The following GUCY1A2 variants were observed in gnomAD, a reference collection of about 807,000 sequenced individuals.
GUCY1A2 encodes guanylate cyclase soluble subunit alpha-2.
A neutral mutation model predicts 63.5 loss-of-function variants in GUCY1A2; 27 were observed. The observed-to-expected ratio is 0.43, with a 90% CI of 0.31 to 0.59. The LOEUF (loss-of-function observed/expected upper bound fraction) is 0.59, where lower values mean the gene tolerates loss of function less well. GUCY1A2 is among the 20% of genes least tolerant of loss of function. GUCY1A2 has a pLI of 0.11. For synonymous variants in GUCY1A2, 364 were observed against 343.5 expected (o/e 1.06, Z -0.66); for missense variants, 768 against 913.3 (o/e 0.84, Z 2.05).
At chr11:106,704,142 AGAT>A (rs1336567664) in intron 7 of GUCY1A2, among the ~76,000 whole-genome samples, 1 of 152,126 alleles carries the variant, frequency 6.6e-6, no homozygotes, top group Non-Finnish European at 1.5e-5. Context: ...TCAAATTTCC[AGAT>A]GAGGTCTGTA....
chr11:106,692,951 C>G (rs1329584372), intron 7 of GUCY1A2, among the ~76,000 whole-genome samples: 1 of 152,194 alleles, frequency 6.6e-6, no homozygotes, highest in Non-Finnish European at 1.5e-5. Context: ...ATATAGCTCT[C>G]TGACATCTGC....
At chr11:106,874,067 T>C (rs1859716669) in intron 4 of GUCY1A2, among the ~76,000 whole-genome samples, 1 of 152,332 alleles carries the variant, frequency 6.6e-6, no homozygotes, top group South Asian at 2.1e-4. Context: ...GCCTGTTCAC[T>C]CCATTCTTCT....
chr11:106,835,557 A>C (rs932823039), intron 4 of GUCY1A2, among the ~76,000 whole-genome samples: 1 of 151,800 alleles, frequency 6.6e-6, no homozygotes, highest in Non-Finnish European at 1.5e-5. Context: ...GTAATGAAAA[A>C]TATGAACTCA....
intron 4 of GUCY1A2, among the ~76,000 whole-genome samples, chr11:106,822,263 AT>A (rs1312224135): frequency 3.3e-5 from 5 of 152,054 alleles, no homozygotes; most frequent in African/African-American, 2.4e-5. Context: ...CATACGAACA[AT>A]TTTTTTCTTT....
intron 4 of GUCY1A2, among the ~76,000 whole-genome samples, chr11:106,900,641 T>C (rs1860119307): frequency 6.6e-6 from 1 of 152,198 alleles, no homozygotes; most frequent in African/African-American, 2.4e-5. Context: ...ATATCCAGTT[T>C]TTCTGTACAG....
intron 3 of GUCY1A2, 29 bp from the exon 4 acceptor site, chr11:106,940,207 T>C (rs1330392621): frequency 1.0e-6 from 1 of 984,782 alleles, no homozygotes; most frequent in East Asian, 2.4e-5. Flanking sequence ...CAAATGTTAG[T>C]GAAGTCTAAT....
chr11:106,840,371 T>A (rs1859179815), intron 4 of GUCY1A2, among the ~76,000 whole-genome samples: 1 of 151,944 alleles, frequency 6.6e-6, no homozygotes, highest in Non-Finnish European at 1.5e-5. Context: ...CAATACATGT[T>A]TGTATGAAAT....
intron 7 of GUCY1A2, among the ~76,000 whole-genome samples, chr11:106,704,494 T>C (rs1862872968): frequency 1.3e-5 from 2 of 152,208 alleles, no homozygotes; most frequent in Non-Finnish European, 2.9e-5. Context: ...CGACTGTACA[T>C]GCTCTCATAC....
In GUCY1A2 at chr11:106,674,289, T is replaced by A. The variant is rs930215321; in HGVS notation, c.*13260A>T. 1 of 181,448 alleles carries A rather than the reference T, an allele frequency of 5.5e-6. No individual in the cohort carries two copies. The highest frequency in any genetic ancestry group is 1.2e-5 in the Non-Finnish European group (1 of 85,014). 11.2% of individuals were successfully genotyped at this position (181,448 alleles called of 1,614,324 possible). A position where few individuals can be genotyped will look rare whatever the true frequency, so the allele number is the denominator to read the frequency against. On this transcript the variant is annotated 3_prime_UTR_variant, in exon 8 of 8. Transcript: ENST00000526355. ...TTACATTGTGAATGATTTCGAATAATAACAAATAAAAGAATGAGTAAAAAG... is the reference window on the plus strand; with the variant it reads ...TTACATTGTGAATGATTTCGAATAAAAACAAATAAAAGAATGAGTAAAAAG...
intron 4 of GUCY1A2, among the ~76,000 whole-genome samples, chr11:106,821,143 G>A (rs979331653): frequency 4.6e-5 from 7 of 151,988 alleles, no homozygotes; most frequent in Admixed American, 4.6e-4. Flanking sequence ...AAGGAAATAC[G>A]TCTATGCTTT....
At chr11:106,906,031 G>A (rs1253551297) in intron 4 of GUCY1A2, among the ~76,000 whole-genome samples, 1 of 152,096 alleles carries the variant, frequency 6.6e-6, no homozygotes, top group African/African-American at 2.4e-5. Context: ...ACATAGGCAT[G>A]GGCAAGGACT....
intron 5 of GUCY1A2, among the ~76,000 whole-genome samples, chr11:106,808,804 T>C (rs1858726533): frequency 6.6e-6 from 1 of 152,120 alleles, no homozygotes; most frequent in African/African-American, 2.4e-5. Flanking sequence ...GTCCTGGAAG[T>C]GACAGTTTAA....
intron 4 of GUCY1A2, among the ~76,000 whole-genome samples, chr11:106,843,614 C>A (rs1036009138): frequency 6.6e-6 from 1 of 151,798 alleles, no homozygotes; most frequent in African/African-American, 2.4e-5. Flanking sequence ...CTATACTATA[C>A]TTTATTGATA....
intron 4 of GUCY1A2, among the ~76,000 whole-genome samples, chr11:106,846,165 T>C (rs555074781): frequency 9.6e-4 from 146 of 151,578 alleles, no homozygotes; most frequent in African/African-American, 3.2e-3. Flanking sequence ...GGAGAGACAA[T>C]CTATAAATAA....
chr11:106,963,837 AC>A (rs1441547429), intron 3 of GUCY1A2, among the ~76,000 whole-genome samples: 1 of 152,194 alleles, frequency 6.6e-6, no homozygotes, highest in East Asian at 1.9e-4. Context: ...CCCAATAAAA[AC>A]AAAGTTCCTT....
At chr11:106,712,517 C>CCTTTCAAGTCTTGCTTTTA (rs1591243078) in intron 6 of GUCY1A2, among the ~76,000 whole-genome samples, 64 of 144,614 alleles carry the variant, frequency 4.4e-4, no homozygotes, top group Middle Eastern at 3.4e-3. Flanking sequence ...TCCCATGTCT[C>CCTTTCAAGTCTTGCTTTTA]AGATTTTCTT....
rs151163955 is a variant in GUCY1A2 at position 106,891,267 on chromosome 11, C to T, written c.1206+48193G>A. 3.4e-3 allele frequency among the ~76,000 whole-genome samples: 523 copies of T among 152,140 alleles called. 5 individuals are homozygous for T. The highest frequency in any genetic ancestry group is 0.012 in the African/African-American group (488 of 41,516). ...TTTTTGTCCATTTATTAAAAAATAG[C>T]TGATCAAGCCTTTGCTTTTATTTAA... On this transcript the variant is annotated intron_variant, in intron 4 of 7. Transcript: ENST00000526355.
intron 4 of GUCY1A2, chr11:106,936,720 T>TA: frequency 2.0e-6 from 3 of 1,499,088 alleles, no homozygotes; most frequent in Non-Finnish European, 2.7e-6. Flanking sequence ...GCTCTTGATT[T>TA]TTTTTTTTTA....
chr11:106,847,973 G>C (rs1003946024), intron 4 of GUCY1A2, among the ~76,000 whole-genome samples: 1 of 151,554 alleles, frequency 6.6e-6, no homozygotes, highest in African/African-American at 2.4e-5. Context: ...TGCAATAAGA[G>C]TGCAAAACAC....
Sources: allele counts gnomAD v4.1 joint callset (sites outside exome capture counted in the v4.1 genomes callset), GRCh38; gene constraint gnomAD v4.1.1; transcripts MANE v1.5; gene names NCBI Gene and HGNC (gene_info 2026-07-23, HGNC 2026-07-21).